Variants in VEZT observed in about 807,000 individuals in gnomAD.
VEZT encodes the protein vezatin, adherens junctions transmembrane protein.
Under a neutral mutation model 79.9 loss-of-function variants are expected in VEZT, and 39 were observed. The observed-to-expected ratio is 0.49, with a 90% CI of 0.38 to 0.64. The LOEUF (loss-of-function observed/expected upper bound fraction) is 0.64. Ranked by LOEUF, VEZT falls within the 30% of genes least tolerant of loss-of-function variation. The probability of loss-of-function intolerance (pLI) is 0.00; values close to 1 mark genes in which losing one functional copy is unlikely to be tolerated. For synonymous variants in VEZT, 325 were observed against 327.6 expected (o/e 0.99, Z 0.09); for missense variants, 837 against 893.1 (o/e 0.94, Z 0.80).
chr12:95,301,713 T>C lies in VEZT; in HGVS notation c.*1040T>C, dbSNP rs558722125. On this transcript the variant is annotated 3_prime_UTR_variant, in exon 12 of 12. Transcript: ENST00000436874. ...CTGTAGCTCCTATGCAATAACATAG[T>C]TCTATAGACATTATTTGGGGGAAAT... The C allele has an allele frequency of 6.6e-6, 1 of 152,344 alleles. No homozygotes were observed. The highest frequency in any genetic ancestry group is 2.1e-4 in the South Asian group (1 of 4,832). 9.4% of individuals were successfully genotyped at this position (152,344 alleles called of 1,614,324 possible).
At chr12:95,275,256 A>G (rs1253189059) in intron 7 of VEZT, among the ~76,000 whole-genome samples, 1 of 152,088 alleles carries the variant, frequency 6.6e-6, no homozygotes, top group Admixed American at 6.5e-5. Flanking sequence ...TTTTTTTTTC[A>G]TACATCAAAA....
chr12:95,291,551 T>C (rs1298376397), intron 9 of VEZT, among the ~76,000 whole-genome samples: 3 of 152,252 alleles, frequency 2.0e-5, no homozygotes, highest in Non-Finnish European at 4.4e-5. Context: ...TCTGCTGTTG[T>C]AATGTGAAAG....
intron 1 of VEZT, among the ~76,000 whole-genome samples, chr12:95,233,469 G>A (rs1234562008): frequency 1.3e-5 from 2 of 151,946 alleles, no homozygotes; most frequent in Admixed American, 6.6e-5. Flanking sequence ...GCACAATCTT[G>A]GCTCACTGCA....
chr12:95,281,577 G>T (rs1171065785), intron 7 of VEZT, among the ~76,000 whole-genome samples: 2 of 137,674 alleles, frequency 1.5e-5, no homozygotes, highest in African/African-American at 5.2e-5. Flanking sequence ...ATGGAGTCTT[G>T]CTGTGTCACC....
intron 4 of VEZT, among the ~76,000 whole-genome samples, chr12:95,264,242 A>G (rs2138472163): frequency 6.6e-6 from 1 of 152,318 alleles, no homozygotes; most frequent in African/African-American, 2.4e-5. Context: ...AGCTGATAGA[A>G]GGAACCATAG....
intron 9 of VEZT, chr12:95,294,047 C>T: frequency 4.9e-6 from 2 of 410,824 alleles, no homozygotes; most frequent in Non-Finnish European, 9.1e-6. Flanking sequence ...CACCACCATG[C>T]CCAGCCAATT....
chr12:95,284,806 C>G (rs1233055895), intron 8 of VEZT, among the ~76,000 whole-genome samples: 1 of 152,108 alleles, frequency 6.6e-6, no homozygotes, highest in Non-Finnish European at 1.5e-5. Context: ...AGTGAAAATA[C>G]TTAAGAAAGG....
intron 2 of VEZT, among the ~76,000 whole-genome samples, chr12:95,252,727 G>T (rs534541828): frequency 6.6e-6 from 1 of 152,338 alleles, no homozygotes; most frequent in African/African-American, 2.4e-5. Flanking sequence ...CACTTTGGGA[G>T]GCCAAGGCGA....
At chr12:95,230,104 CAAAAAAAAA>C (rs11386464) in intron 1 of VEZT, among the ~76,000 whole-genome samples, 1 of 72,374 alleles carries the variant, frequency 1.4e-5, no homozygotes, top group Non-Finnish European at 3.0e-5. Flanking sequence ...GATTCCGTCT[CAAAAAAAAA>C]AAAAAAAAAA....
At chr12:95,268,542 G>T (rs77252010) in intron 5 of VEZT, among the ~76,000 whole-genome samples, 4,529 of 152,218 alleles carry the variant, frequency 0.03, 138 homozygotes, top group Middle Eastern at 0.092. Flanking sequence ...TTATTGAGAG[G>T]ACTTACTGGT....
intron 7 of VEZT, among the ~76,000 whole-genome samples, chr12:95,277,898 G>A (rs997113010): frequency 6.6e-6 from 1 of 152,144 alleles, no homozygotes; most frequent in Non-Finnish European, 1.5e-5. Context: ...ATTACTTTTT[G>A]TTAACTCATC....
intron 1 of VEZT, among the ~76,000 whole-genome samples, chr12:95,246,139 T>C (rs1173201333): frequency 2.0e-5 from 3 of 152,194 alleles, no homozygotes; most frequent in African/African-American, 7.2e-5. Context: ...CTTTTTTTTT[T>C]TGAGACGGAG....
At chr12:95,269,119 C>T (rs926041925) in intron 5 of VEZT, among the ~76,000 whole-genome samples, 4 of 152,046 alleles carry the variant, frequency 2.6e-5, no homozygotes, top group Non-Finnish European at 4.4e-5. Context: ...TGTTTTATAG[C>T]TTTGTGTTAT....
intron 1 of VEZT, among the ~76,000 whole-genome samples, chr12:95,225,237 C>G (rs759480846): frequency 1.3e-5 from 2 of 152,140 alleles, no homozygotes; most frequent in Non-Finnish European, 2.9e-5. Context: ...ATCAAAGTTG[C>G]TATATGCTCA....
chr12:95,256,478 CTCTT>C (rs2063506698), intron 2 of VEZT: 5 of 795,872 alleles, frequency 6.3e-6, no homozygotes, highest in Non-Finnish European at 7.0e-6. Context: ...TTTATATTGT[CTCTT>C]CTTCTATACT....
intron 1 of VEZT, among the ~76,000 whole-genome samples, chr12:95,240,113 C>G (rs2060824097): frequency 6.6e-6 from 1 of 151,924 alleles, no homozygotes; most frequent in South Asian, 2.1e-4. Flanking sequence ...GCAACAATGA[C>G]TACTGAGTTG....
rs533597660 is a variant in VEZT at position 95,302,101 on chromosome 12, G to A, written c.*1428G>A. ...AAATTTCAATTTTAAAAATCTTTGT[G>A]TGTTATAACTGTTAAATTATTCAAT... is the stretch of plus-strand genomic sequence containing the variant. On this transcript the variant is annotated 3_prime_UTR_variant, in exon 12 of 12. Coordinates refer to ENST00000436874, the MANE Select transcript of VEZT (RefSeq NM_017599.4). 2 of 152,010 alleles carry A rather than the reference G, an allele frequency of 1.3e-5. No homozygotes were observed. The highest frequency in any genetic ancestry group is 2.4e-5 in the African/African-American group (1 of 41,374). 9.4% of individuals were successfully genotyped at this position (152,010 alleles called of 1,614,324 possible). A position where few individuals can be genotyped will look rare whatever the true frequency, so the allele number is the denominator to read the frequency against.
chr12:95,228,714 C>G (rs1007979780), intron 1 of VEZT, among the ~76,000 whole-genome samples: 1 of 152,024 alleles, frequency 6.6e-6, no homozygotes, highest in Non-Finnish European at 1.5e-5. Context: ...ACCATTAAGA[C>G]CAAGTCTAGC....
intron 7 of VEZT, among the ~76,000 whole-genome samples, chr12:95,281,619 C>T (rs2069128658): frequency 6.6e-6 from 1 of 150,838 alleles, no homozygotes; most frequent in African/African-American, 2.4e-5. Context: ...CATCTCAGCT[C>T]ACTGTAACGT....
Sources: allele counts gnomAD v4.1 joint callset (sites outside exome capture counted in the v4.1 genomes callset), GRCh38; gene constraint gnomAD v4.1.1; transcripts MANE v1.5; gene names NCBI Gene and HGNC (gene_info 2026-07-23, HGNC 2026-07-21).